Variants in HMBOX1 observed in about 807,000 individuals in gnomAD.
HMBOX1 encodes homeobox-containing protein 1.
A neutral mutation model predicts 54.5 loss-of-function variants in HMBOX1; 14 were observed. The ratio of observed to expected loss-of-function variants is 0.26; its 90% CI spans 0.17 to 0.40. The LOEUF (loss-of-function observed/expected upper bound fraction) is 0.40, where lower values mean the gene tolerates loss of function less well. Ranked by LOEUF, HMBOX1 falls within the 10% of genes least tolerant of loss-of-function variation. HMBOX1 has a pLI of 1.00. For missense variants in HMBOX1, 332 were observed against 514.4 expected (o/e 0.65, Z 3.43); for synonymous variants, 160 against 181.0 (o/e 0.88, Z 0.93).
intron 5 of HMBOX1, 184 bp downstream of exon 5, chr8:29,009,366 G>T (rs1424163556): frequency 4.1e-6 from 3 of 726,774 alleles, no homozygotes; most frequent in Non-Finnish European, 5.0e-6. Flanking sequence ...TTATTTTATT[G>T]TCTAATATTA....
At position 28,970,718 on chromosome 8, in the gene HMBOX1, TCTTTA is replaced by T. The variant is rs1827243095; in HGVS notation, c.500+203_500+207del. On this transcript the variant is annotated intron_variant, in intron 3 of 9. Coordinates refer to ENST00000287701, the MANE Select transcript of HMBOX1 (RefSeq NM_001135726.3). The surrounding 1 kb of genome is among the most constrained non-coding windows in gnomAD (Gnocchi z 4.3). ...TATGTTTTTAATTTAAATTTTCTCTTCTTTACTTCAGCCCTTTCTCTTTGCTGCTT... is the reference window on the plus strand; with the variant it reads ...TATGTTTTTAATTTAAATTTTCTCTTCTTCAGCCCTTTCTCTTTGCTGCTT... The T allele has an allele frequency of 4.1e-6, 2 of 483,604 alleles. No homozygotes were observed. Among genetic ancestry groups the T allele is most frequent in the East Asian group, 3.2e-5 (1 of 31,044 alleles). 30.0% of individuals were successfully genotyped at this position (483,604 alleles called of 1,614,324 possible).
At chr8:28,997,040 A>G (rs1020422834) in intron 4 of HMBOX1, among the ~76,000 whole-genome samples, 24 of 152,114 alleles carry the variant, frequency 1.6e-4, no homozygotes, top group African/African-American at 4.8e-4. Flanking sequence ...TTATATACAA[A>G]ATCATGTATC....
intron 3 of HMBOX1, among the ~76,000 whole-genome samples, chr8:28,974,034 A>C (rs6980738): frequency 3.3e-5 from 5 of 151,538 alleles, no homozygotes; most frequent in African/African-American, 1.2e-4. Flanking sequence ...GGCTGGTCTC[A>C]AACTCCTGGC....
rs1806455008 is a variant in HMBOX1, at chr8:29,051,812, T to G, written c.*657T>G. 2.1e-6 allele frequency: 1 copy of G among 467,968 alleles called. No individual in the cohort carries two copies. The highest frequency in any genetic ancestry group is 1.9e-5 in the African/African-American group (1 of 51,718). 29.0% of individuals were successfully genotyped at this position (467,968 alleles called of 1,614,324 possible). On this transcript the variant is annotated 3_prime_UTR_variant, in exon 10 of 10. Coordinates refer to ENST00000287701, the MANE Select transcript of HMBOX1 (RefSeq NM_001135726.3). ...TGCCTGACACAGACATCCTTTCCTC[T>G]CACAAGCTGTGTGACTTAGTAGATA...
chr8:28,932,593 A>G (rs1013309926), intron 1 of HMBOX1, among the ~76,000 whole-genome samples: 3 of 152,210 alleles, frequency 2.0e-5, no homozygotes, highest in African/African-American at 7.2e-5. Flanking sequence ...CCTTATTATC[A>G]AACCTTCAAG....
chr8:28,934,926 C>CTCA (rs1820134393), intron 1 of HMBOX1, among the ~76,000 whole-genome samples: 1 of 110,794 alleles, frequency 9.0e-6, no homozygotes, highest in Non-Finnish European at 1.8e-5. Context: ...GACTCCGTCT[C>CTCA]AAAAAAAAAA....
At chr8:29,019,045 T>A (rs1184040964) in intron 6 of HMBOX1, 132 bp downstream of exon 6, 3 of 689,420 alleles carry the variant, frequency 4.4e-6, no homozygotes, top group Non-Finnish European at 7.3e-6. Flanking sequence ...TACTTTAGAA[T>A]ATCATAAATG....
Position 28,939,544 on chromosome 8 carries a change from G to T in HMBOX1, c.-57-24267G>T, listed in dbSNP as rs1264348707. On this transcript the variant is annotated intron_variant, in intron 1 of 9. Coordinates refer to ENST00000287701, the MANE Select transcript of HMBOX1 (RefSeq NM_001135726.3). Reference sequence around the variant, plus strand: ...TTTTTTGAGATGGAGTCTTGCTCTTGTCGCCCAGACTGGAGTGCAGTGGTG... The same window carrying T: ...TTTTTTGAGATGGAGTCTTGCTCTTTTCGCCCAGACTGGAGTGCAGTGGTG... Among the ~76,000 whole-genome samples the T allele has an allele frequency of 4.6e-5, 7 of 151,868 alleles. No homozygotes were observed. In the South Asian group the frequency reaches 6.3e-4, roughly 14 times the overall value.
chr8:28,955,630 G>A (rs1824277353), intron 1 of HMBOX1, among the ~76,000 whole-genome samples: 3 of 152,078 alleles, frequency 2.0e-5, no homozygotes, highest in African/African-American at 7.2e-5. Context: ...AGCCATTTCT[G>A]TGTTGATCGA....
chr8:28,907,144 A>C (rs1309846531), intron 1 of HMBOX1, among the ~76,000 whole-genome samples: 1 of 152,262 alleles, frequency 6.6e-6, no homozygotes, highest in Admixed American at 6.5e-5. Flanking sequence ...TTTTAGAAGA[A>C]GCACAGTAAC....
At chr8:29,048,177 A>C (rs1008373138) in intron 8 of HMBOX1, among the ~76,000 whole-genome samples, 7 of 152,198 alleles carry the variant, frequency 4.6e-5, no homozygotes, top group Non-Finnish European at 8.8e-5. Context: ...AATGAAAGAG[A>C]CTTAATAGAC....
chr8:28,995,967 G>A (rs1011329922), intron 4 of HMBOX1, among the ~76,000 whole-genome samples: 3 of 152,048 alleles, frequency 2.0e-5, no homozygotes, highest in East Asian at 1.9e-4. Flanking sequence ...TTAGCCGGGC[G>A]TGGTGGCAGG....
intron 1 of HMBOX1, among the ~76,000 whole-genome samples, chr8:28,937,032 A>C (rs997617846): frequency 3.3e-5 from 5 of 152,164 alleles, no homozygotes; most frequent in African/African-American, 9.7e-5. Context: ...AGCTGTCATC[A>C]TCTTTCTGTA....
intron 6 of HMBOX1, among the ~76,000 whole-genome samples, chr8:29,043,000 G>A (rs965867501): frequency 6.6e-6 from 1 of 152,214 alleles, no homozygotes; most frequent in African/African-American, 2.4e-5. Flanking sequence ...AATTCCAAGG[G>A]TTAAGCCTTG....
chr8:29,018,917 T>C lies in HMBOX1; in HGVS notation c.851+4T>C, dbSNP rs778844424. On this transcript the variant is annotated splice_donor_region_variant and intron_variant, in intron 6 of 9. Coordinates refer to ENST00000287701, the MANE Select transcript of HMBOX1 (RefSeq NM_001135726.3). ...AGTGCCTGGCTGTTATGGAAAGGTA[T>C]GTGTCTCCTTTTTCTACGAATGATC... is the stretch of plus-strand genomic sequence containing the variant. 7.4e-6 allele frequency: 12 copies of C among 1,613,874 alleles called. No homozygotes were observed. Among genetic ancestry groups the C allele is most frequent in the East Asian group, 6.7e-5 (3 of 44,874 alleles).
At chr8:28,949,714 A>G (rs1373958874) in intron 1 of HMBOX1, 1 of 152,216 alleles carries the variant, frequency 6.6e-6, no homozygotes, top group Non-Finnish European at 1.5e-5. Context: ...GCAGCAATTG[A>G]TAAGAAACAA....
At chr8:28,930,098 A>C (rs1184759246) in intron 1 of HMBOX1, among the ~76,000 whole-genome samples, 1 of 152,030 alleles carries the variant, frequency 6.6e-6, no homozygotes, top group East Asian at 1.9e-4. Flanking sequence ...CTGTCTTTGG[A>C]ATGAGTGACA....
chr8:28,990,086 A>AT (rs904797207), intron 4 of HMBOX1, among the ~76,000 whole-genome samples: 92 of 152,024 alleles, frequency 6.1e-4, no homozygotes, highest in African/African-American at 2.1e-3. Context: ...GCTTTAAAAC[A>AT]TTTTTTTTGT....
chr8:29,034,331 C>A (rs914298853), intron 6 of HMBOX1, among the ~76,000 whole-genome samples: 1 of 152,172 alleles, frequency 6.6e-6, no homozygotes, highest in Non-Finnish European at 1.5e-5. Flanking sequence ...GACACGTCGT[C>A]CATGAAATTA....
Sources: gnomAD v4.1 joint callset for allele counts (sites outside exome capture counted in the v4.1 genomes callset) on GRCh38, gnomAD v4.1.1 for gene constraint, Gnocchi (gnomAD v3.1) non-coding constraint, MANE v1.5 for transcripts, NCBI Gene and HGNC (gene_info 2026-07-23, HGNC 2026-07-21) for gene names.